The following DCC variants were observed in gnomAD, a reference collection of about 807,000 sequenced individuals.
DCC encodes the protein netrin receptor DCC.
DCC carries 58 observed loss-of-function variants against 172.5 expected under a neutral mutation model. That is an observed-to-expected ratio of 0.34 (90% CI 0.27 to 0.42). DCC has a LOEUF of 0.42. Among genes scored for constraint, DCC ranks in the 10% least tolerant of loss-of-function variants. DCC has a pLI of 1.00. For missense variants in DCC, 1,740 were observed against 1,791.0 expected, an observed-to-expected ratio of 0.97 and a Z score of 0.51; for synonymous variants, 709 against 644.5, an observed-to-expected ratio of 1.10 and a Z score of -1.52.
chr18:53,053,885 G>A (rs1337984785), intron 5 of DCC, among the ~76,000 whole-genome samples: 5 of 152,028 alleles, frequency 3.3e-5, no homozygotes, highest in Non-Finnish European at 7.4e-5. Context: ...AAAGAAAGAC[G>A]TTTATCAATT....
chr18:52,570,113 A>G (rs551872651), intron 1 of DCC, among the ~76,000 whole-genome samples: 91 of 152,188 alleles, frequency 6.0e-4, no homozygotes, highest in Non-Finnish European at 1.0e-3. Flanking sequence ...ATTTAATGTT[A>G]TTTATTAAGC....
chr18:53,474,668 T>TGTAA lies in DCC; in HGVS notation c.3736+6661_3736+6664dup, dbSNP rs2045740017. On this transcript the variant is annotated intron_variant, in intron 25 of 28. Coordinates refer to ENST00000442544, the MANE Select transcript of DCC (RefSeq NM_005215.4). ...TAAGGTCTCCCCAGCCACATGGAAC[T>TGTAA]GTAAGTCCAATAAACGTCTTTTGTA... is the stretch of plus-strand genomic sequence containing the variant. Among the ~76,000 whole-genome samples the TGTAA allele has an allele frequency of 2.6e-5, 4 of 152,362 alleles. No individual in the cohort carries two copies. The South Asian group carries it at 8.3e-4, about 32-fold the overall frequency.
chr18:52,405,890 C>A (rs369854881), intron 1 of DCC, among the ~76,000 whole-genome samples: 3 of 151,632 alleles, frequency 2.0e-5, no homozygotes, highest in South Asian at 2.1e-4. Flanking sequence ...AAGAACAAAG[C>A]TGGAGGCATC....
At chr18:52,677,272 A>G (rs1258664651) in intron 1 of DCC, among the ~76,000 whole-genome samples, 2 of 152,176 alleles carry the variant, frequency 1.3e-5, no homozygotes, top group Non-Finnish European at 1.5e-5. Flanking sequence ...CATTAATGTT[A>G]AAACTAACTT....
intron 12 of DCC, among the ~76,000 whole-genome samples, chr18:53,299,731 C>T (rs2057110294): frequency 6.6e-6 from 1 of 152,188 alleles, no homozygotes; most frequent in Non-Finnish European, 1.5e-5. Context: ...ATTAGACTCT[C>T]AGCCTCTTGA....
At chr18:52,884,045 G>A (rs912865989) in intron 2 of DCC, among the ~76,000 whole-genome samples, 5 of 151,702 alleles carry the variant, frequency 3.3e-5, no homozygotes, top group African/African-American at 4.8e-5. Flanking sequence ...TGGCCTGTAA[G>A]GTTCCCACCG....
chr18:53,073,884 A>G (rs1328225255), intron 7 of DCC, among the ~76,000 whole-genome samples: 2 of 151,104 alleles, frequency 1.3e-5, no homozygotes, highest in Non-Finnish European at 2.9e-5. Context: ...CAAAAGGAAT[A>G]TACTAATAAA....
intron 12 of DCC, among the ~76,000 whole-genome samples, chr18:53,262,149 C>G (rs1312859989): frequency 6.6e-6 from 1 of 152,188 alleles, no homozygotes; most frequent in East Asian, 1.9e-4. Flanking sequence ...AGAGGCTAAT[C>G]AGAAGCCAAC....
Position 52,480,368 on chromosome 18 carries a change from G to T in DCC, c.91+139490G>T, listed in dbSNP as rs149329239. On this transcript the variant is annotated intron_variant, in intron 1 of 28. Transcript: ENST00000442544. ...AAAGTGAGACAAACAATAGAACTGT[G>T]AATGACCACATATACCCCTAGAACA... 5.1e-3 allele frequency among the ~76,000 whole-genome samples: 776 copies of T among 152,228 alleles called. 5 individuals carry two copies. The highest frequency in any genetic ancestry group is 8.2e-3 in the Non-Finnish European group (558 of 68,002).
chr18:53,231,300 T>C (rs955446251), intron 12 of DCC, among the ~76,000 whole-genome samples: 4 of 152,210 alleles, frequency 2.6e-5, no homozygotes, highest in Admixed American at 1.3e-4. Context: ...TCTTGGGAAA[T>C]ATATTTCTGA....
intron 3 of DCC, among the ~76,000 whole-genome samples, chr18:52,919,754 A>G (rs140987915): frequency 6.6e-6 from 1 of 152,206 alleles, no homozygotes; most frequent in African/African-American, 2.4e-5. Flanking sequence ...ACATGGAAAG[A>G]CAAGAGACCC....
chr18:52,435,558 T>G (rs1047497823), intron 1 of DCC, among the ~76,000 whole-genome samples: 7 of 152,172 alleles, frequency 4.6e-5, no homozygotes, highest in African/African-American at 1.7e-4. Flanking sequence ...TCTGACTGGT[T>G]TCTCATCACC....
At chr18:52,397,093 G>C (rs1986259167) in intron 1 of DCC, among the ~76,000 whole-genome samples, 2 of 152,054 alleles carry the variant, frequency 1.3e-5, no homozygotes, top group South Asian at 4.2e-4. Context: ...TGATCACAAG[G>C]GATTATGTAT....
At chr18:53,211,719 G>C (rs1225385271) in intron 11 of DCC, among the ~76,000 whole-genome samples, 2 of 152,032 alleles carry the variant, frequency 1.3e-5, no homozygotes, top group East Asian at 3.9e-4. Context: ...GCGAGACTCT[G>C]TCTCAAAAAT....
chr18:53,315,850 T>C (rs1363088059), intron 13 of DCC, among the ~76,000 whole-genome samples: 3 of 152,224 alleles, frequency 2.0e-5, no homozygotes, highest in African/African-American at 4.8e-5. Flanking sequence ...AAGTTCCTTG[T>C]AGATTCTGGA....
In DCC at chr18:52,733,521, G is replaced by T. The variant is rs185057599; in HGVS notation, c.92-18533G>T. 2.3e-4 allele frequency among the ~76,000 whole-genome samples: 35 copies of T among 152,078 alleles called. No homozygotes were observed. In the East Asian group the frequency reaches 6.8e-3, roughly 29 times the overall value. On this transcript the variant is annotated intron_variant, in intron 1 of 28. Coordinates refer to ENST00000442544, the MANE Select transcript of DCC (RefSeq NM_005215.4). ...TTTTTTGTTTTTTGTTTGAGACAGG[G>T]TCTCACTCTGTTGCCCGAGCTGGAG... is the stretch of plus-strand genomic sequence containing the variant.
At chr18:52,916,238 A>AC (rs1350298565) in intron 3 of DCC, among the ~76,000 whole-genome samples, 1 of 148,828 alleles carries the variant, frequency 6.7e-6, no homozygotes, top group East Asian at 2.0e-4. Flanking sequence ...ATGAAACACC[A>AC]TTTTTACTTG....
chr18:53,395,396 A>G (rs1457206034), intron 17 of DCC, among the ~76,000 whole-genome samples: 1 of 152,122 alleles, frequency 6.6e-6, no homozygotes, highest in African/African-American at 2.4e-5. Context: ...GTGCTCAGAA[A>G]CTGTTTTTAT....
At chr18:52,385,211 A>G (rs1309498177) in intron 1 of DCC, among the ~76,000 whole-genome samples, 2 of 152,110 alleles carry the variant, frequency 1.3e-5, no homozygotes, top group Non-Finnish European at 2.9e-5. Flanking sequence ...TGTCCCAATA[A>G]AGTGGAATGT....
Sources: allele counts gnomAD v4.1 joint callset (sites outside exome capture counted in the v4.1 genomes callset), GRCh38; gene constraint gnomAD v4.1.1; transcripts MANE v1.5; gene names NCBI Gene and HGNC (gene_info 2026-07-23, HGNC 2026-07-21).